The following NBEA variants were observed in gnomAD, a reference collection of about 807,000 sequenced individuals.
The protein encoded by NBEA is neurobeachin, also known as lysosomal-trafficking regulator 2.
In NBEA, 44 loss-of-function variants were observed where a neutral mutation model predicts 343.4. The ratio of observed to expected loss-of-function variants is 0.13; its 90% CI spans 0.10 to 0.16. The LOEUF is 0.16. Among genes scored for constraint, NBEA ranks in the 10% least tolerant of loss-of-function variants. NBEA has a pLI of 1.00. For synonymous variants in NBEA, 1,175 were observed against 1,238.7 expected, an observed-to-expected ratio of 0.95 and a Z score of 1.08; for missense variants, 2,555 against 3,631.3, an observed-to-expected ratio of 0.70 and a Z score of 7.62.
rs150142871 is a variant in NBEA, at chr13:35,440,635, A to G, written c.6304+8242A>G. Among the ~76,000 whole-genome samples, 322 of 152,306 alleles carry G rather than the reference A, an allele frequency of 2.1e-3. 2 individuals are homozygous for G. The highest frequency in any genetic ancestry group is 3.1e-3 in the Non-Finnish European group (214 of 68,018). On this transcript the variant is annotated intron_variant, in intron 39 of 58. Coordinates refer to ENST00000379939, the MANE Select transcript of NBEA (RefSeq NM_001385012.1). ...GGTACTAAATGATGGAACACAGGAT[A>G]GTGTGGGGAAATGGTATGAAGATGA...
In NBEA at chr13:35,476,364, C is replaced by A. The variant is rs950728850; in HGVS notation, c.6585+3828C>A. On this transcript the variant is annotated intron_variant, in intron 41 of 58. Transcript: ENST00000379939. Reference sequence around the variant, plus strand: ...CTGCTGCTGCTGCTGCTTTTCCCTTCCTTTTATCTTTGAGCCCAGCCGTTC... The same window carrying A: ...CTGCTGCTGCTGCTGCTTTTCCCTTACTTTTATCTTTGAGCCCAGCCGTTC... 3.4e-5 allele frequency: 34 copies of A among 1,001,148 alleles called. 1 individual carries two copies. The African/African-American group carries it at 5.7e-4, about 17-fold the overall frequency. The allele number at this position is 1,001,148 out of a possible 1,614,324, so 62.0% of individuals were successfully genotyped here.
In NBEA at chr13:35,133,909, C is replaced by T. The variant is rs183786665; in HGVS notation, c.2337-8360C>T. ...TACTTACTAAGTTGGTTGGTGGTTACATGAATATTTATTATGTTTAAAAAA... is the reference window on the plus strand; with the variant it reads ...TACTTACTAAGTTGGTTGGTGGTTATATGAATATTTATTATGTTTAAAAAA... On this transcript the variant is annotated intron_variant, in intron 17 of 58. Coordinates refer to ENST00000379939, the MANE Select transcript of NBEA (RefSeq NM_001385012.1). Among the ~76,000 whole-genome samples, 110 of 151,506 alleles carry T rather than the reference C, an allele frequency of 7.3e-4. 1 individual carries two copies. The highest frequency in any genetic ancestry group is 6.4e-3 in the Admixed American group (98 of 15,214).
chr13:35,566,973 G>A lies in NBEA; in HGVS notation c.6991G>A (p.Glu2331Lys). ...PWVLTNYESE[E>K]LDLTLPGNFR... The stretch of plus-strand genomic sequence containing the variant: ...GGTGTTAACCAACTATGAATCAGAA[G>A]AGTTGGACCTGACTCTTCCAGGAAA... The change falls in exon 45 of 59, where the codon GAG becomes AAG. Residue 2331 changes from glutamate (E) to lysine (K), a missense_variant. This residue lies in a region of NBEA where 156 missense variants were observed against 185.8 expected (regional missense o/e 0.84). Coordinates refer to ENST00000379939, the MANE Select transcript of NBEA (RefSeq NM_001385012.1). 6.2e-7 allele frequency: 1 copy of A among 1,612,750 alleles called. No individual in the cohort carries two copies. Among genetic ancestry groups the A allele is most frequent in the Non-Finnish European group, 8.5e-7 (1 of 1,178,968 alleles).
At chr13:35,396,100 G>C (rs1234113926) in intron 38 of NBEA, among the ~76,000 whole-genome samples, 2 of 152,030 alleles carry the variant, frequency 1.3e-5, no homozygotes, top group African/African-American at 4.8e-5. Context: ...TTGCTATGGT[G>C]CCCAGTCTGG....
chr13:35,297,696 T>C (rs2036226791), intron 35 of NBEA, among the ~76,000 whole-genome samples: 1 of 152,008 alleles, frequency 6.6e-6, no homozygotes, highest in Non-Finnish European at 1.5e-5. Flanking sequence ...TGCCTTCTGT[T>C]GTGCTTACCA....
intron 41 of NBEA, chr13:35,476,120 TG>T: frequency 6.2e-7 from 1 of 1,614,150 alleles, no homozygotes; most frequent in Non-Finnish European, 8.5e-7. Context: ...TAGACCAGCT[TG>T]GCCTGGGCCG....
At chr13:35,324,980 A>G (rs1019775836) in intron 36 of NBEA, among the ~76,000 whole-genome samples, 2 of 152,106 alleles carry the variant, frequency 1.3e-5, no homozygotes, top group African/African-American at 4.8e-5. Flanking sequence ...ATGTGGTCCT[A>G]ATTTTAGTTG....
At chr13:35,453,948 G>A (rs974438468) in intron 40 of NBEA, among the ~76,000 whole-genome samples, 1 of 152,070 alleles carries the variant, frequency 6.6e-6, no homozygotes, top group South Asian at 2.1e-4. Context: ...CAAATTATAT[G>A]GCTCCTGACC....
At chr13:35,261,284 G>A (rs1174429600) in intron 34 of NBEA, among the ~76,000 whole-genome samples, 7 of 152,088 alleles carry the variant, frequency 4.6e-5, no homozygotes, top group Non-Finnish European at 8.8e-5. Context: ...AGGCTGAGGC[G>A]GGTGGATCAC....
At chr13:35,070,598 T>C (rs2063827606) in intron 9 of NBEA, 121 bp from the exon 10 acceptor site, 4 of 904,880 alleles carry the variant, frequency 4.4e-6, no homozygotes. Context: ...AAAATTATAA[T>C]TGAAGGCTTA....
Position 35,098,312 on chromosome 13 carries a change from A to C in NBEA, c.1587A>C (p.Ala529=). The C allele has an allele frequency of 1.3e-6, 2 of 1,583,296 alleles. No individual in the cohort carries two copies. Among genetic ancestry groups the C allele is most frequent in the East Asian group, 2.3e-5 (1 of 44,006 alleles). The change falls in exon 11 of 59, where the codon GCA becomes GCC. Residue 529 remains alanine (A), a synonymous_variant. Transcript: ENST00000379939. ...VETTVCATLL[A]FLVELLKSSV... ...TTACATGCAGTGCTACTCTGTTGGC[A>C]TTCCTGGTTGAACTACTTAAAAGTT...
chr13:35,269,090 C>T (rs1262797097), intron 34 of NBEA, among the ~76,000 whole-genome samples: 1 of 151,988 alleles, frequency 6.6e-6, no homozygotes, highest in East Asian at 1.9e-4. Context: ...AAAAGGAGTA[C>T]AAGAAATGGT....
rs780673761 is a variant in NBEA at position 34,943,053 on chromosome 13, T to C, written c.233T>C (p.Ile78Thr). 1.2e-6 allele frequency: 2 copies of C among 1,613,492 alleles called. No homozygotes were observed. The highest frequency in any genetic ancestry group is 1.7e-6 in the Non-Finnish European group (2 of 1,179,700). ...ATCCGGATGAAATTCGCAGTGTTGA[T>C]TGGACTCATACAGGTCGGAGAGGTC... ...RNIRMKFAVL[I>T]GLIQVGEVSN... is the part of the protein sequence containing the mutation. The change falls in exon 1 of 59, where the codon ATT (isoleucine) becomes ACT (threonine). Residue 78 changes from isoleucine (I) to threonine (T), a missense_variant. This residue lies in a region of NBEA where 185 missense variants were observed against 290.6 expected (regional missense o/e 0.64). Coordinates refer to ENST00000379939, the MANE Select transcript of NBEA (RefSeq NM_001385012.1).
intron 38 of NBEA, among the ~76,000 whole-genome samples, chr13:35,403,136 T>A (rs540319785): frequency 6.6e-6 from 1 of 151,916 alleles, no homozygotes; most frequent in Non-Finnish European, 1.5e-5. Context: ...TTTTATTGCA[T>A]GAAAAAACTG....
intron 41 of NBEA, among the ~76,000 whole-genome samples, chr13:35,503,474 C>A (rs983460338): frequency 6.6e-6 from 1 of 151,762 alleles, no homozygotes; most frequent in Non-Finnish European, 1.5e-5. Context: ...CTTTTAGTAG[C>A]TACATAACAG....
intron 48 of NBEA, among the ~76,000 whole-genome samples, chr13:35,624,729 A>G (rs1475633100): frequency 6.6e-6 from 1 of 152,070 alleles, no homozygotes; most frequent in Non-Finnish European, 1.5e-5. Context: ...ATAGGTACAT[A>G]GAAGAGAGAG....
At position 35,381,697 on chromosome 13, in the gene NBEA, C is replaced by A. The variant is rs910064813; in HGVS notation, c.6179+29374C>A. Among the ~76,000 whole-genome samples, 9 of 152,146 alleles carry A rather than the reference C, an allele frequency of 5.9e-5. No homozygotes were observed. In the East Asian group the frequency reaches 1.7e-3, roughly 29 times the overall value. The stretch of plus-strand genomic sequence containing the variant: ...AGATTAGACCTGGTTCTACCTGGTT[C>A]TGTAAGCAACTCAATTTTACAAATA... On this transcript the variant is annotated intron_variant, in intron 38 of 58. Coordinates refer to ENST00000379939, the MANE Select transcript of NBEA (RefSeq NM_001385012.1).
intron 41 of NBEA, among the ~76,000 whole-genome samples, chr13:35,544,917 G>A (rs1191742312): frequency 6.6e-6 from 1 of 152,152 alleles, no homozygotes; most frequent in Non-Finnish European, 1.5e-5. Flanking sequence ...AGATTTCATT[G>A]TATATTAAAT....
chr13:35,400,682 TTATTCCA>T, intron 38 of NBEA, among the ~76,000 whole-genome samples: 1 of 152,036 alleles, frequency 6.6e-6, no homozygotes. Flanking sequence ...GAATTTTATA[TTATTCCA>T]TTTGTAGTCT....
Sources: allele counts gnomAD v4.1 joint callset (sites outside exome capture counted in the v4.1 genomes callset), GRCh38; gene constraint gnomAD v4.1.1; regional missense constraint gnomAD v4.1.1; transcripts MANE v1.5; gene names NCBI Gene and HGNC (gene_info 2026-07-23, HGNC 2026-07-21).